Variants in RAPGEF1 observed in about 807,000 individuals in gnomAD.
The protein encoded by RAPGEF1 is CRK SH3-binding GNRP.
Under a neutral mutation model 143.3 loss-of-function variants are expected in RAPGEF1, and 33 were observed. That is an observed-to-expected ratio of 0.23 (90% confidence interval 0.17 to 0.31). RAPGEF1 has a LOEUF of 0.31. RAPGEF1 is among the 10% of genes least tolerant of loss of function. RAPGEF1 has a pLI of 1.00. For synonymous variants in RAPGEF1, 629 were observed against 676.5 expected (o/e 0.93, Z 1.09); for missense variants, 1,199 against 1,645.4 (o/e 0.73, Z 4.69).
intron 4 of RAPGEF1, among the ~76,000 whole-genome samples, chr9:131,639,179 G>A (rs1003759798): frequency 1.3e-5 from 2 of 152,150 alleles, no homozygotes; most frequent in Non-Finnish European, 2.9e-5. Context: ...TATACTGATT[G>A]TTAGCAATTA....
intron 12 of RAPGEF1, among the ~76,000 whole-genome samples, chr9:131,611,474 A>C (rs933493499): frequency 6.6e-6 from 1 of 152,228 alleles, no homozygotes; most frequent in Non-Finnish European, 1.5e-5. Context: ...CTGGAATCAC[A>C]ATATCTCCAC....
At chr9:131,617,377 G>A (rs1387263555) in intron 12 of RAPGEF1, among the ~76,000 whole-genome samples, 1 of 152,240 alleles carries the variant, frequency 6.6e-6, no homozygotes, top group African/African-American at 2.4e-5. Context: ...TCTAAGGCGT[G>A]AGGCCTCAGT....
chr9:131,588,721 G>C (rs1953640949), intron 20 of RAPGEF1, 80 bp downstream of exon 20: 1 of 1,410,042 alleles, frequency 7.1e-7, no homozygotes, highest in African/African-American at 1.4e-5. Flanking sequence ...TGGGGCTGTG[G>C]GGCTGGCAGG....
chr9:131,619,384 T>G (rs1960054887), intron 11 of RAPGEF1, among the ~76,000 whole-genome samples, 178 bp from the exon 12 acceptor site: 1 of 152,210 alleles, frequency 6.6e-6, no homozygotes, highest in South Asian at 2.1e-4. Flanking sequence ...GAAGGCCATC[T>G]GCATGAAAGG....
At chr9:131,609,750 C>G (rs894849640) in intron 12 of RAPGEF1, among the ~76,000 whole-genome samples, 1 of 152,182 alleles carries the variant, frequency 6.6e-6, no homozygotes, top group Non-Finnish European at 1.5e-5. Context: ...TGAAGCTGGC[C>G]AGGCACCAGT....
At chr9:131,710,738 A>G (rs1454807121) in intron 1 of RAPGEF1, among the ~76,000 whole-genome samples, 2 of 152,058 alleles carry the variant, frequency 1.3e-5, no homozygotes, top group Non-Finnish European at 2.9e-5. Context: ...ACAATACAAA[A>G]ATTAGCCGGG....
intron 1 of RAPGEF1, among the ~76,000 whole-genome samples, chr9:131,732,832 C>T (rs1441168833): frequency 6.6e-6 from 1 of 152,234 alleles, no homozygotes; most frequent in East Asian, 1.9e-4. Flanking sequence ...GCGTTCAAGG[C>T]ACCGTAATGG....
intron 1 of RAPGEF1, among the ~76,000 whole-genome samples, chr9:131,699,298 G>A (rs2131099109): frequency 6.7e-6 from 1 of 149,166 alleles, no homozygotes; most frequent in South Asian, 2.1e-4. Context: ...AGGCTGGAGT[G>A]CAATGGCGTG....
At position 131,577,090 on chromosome 9, in the gene RAPGEF1, C is replaced by T. The variant is rs532850424; in HGVS notation, c.*2407G>A. ...ATTCCCACAACCCGCCCGGGCCCCC[C>T]AAAGGAACAGACGAGCCACGGCCAG... is the stretch of plus-strand genomic sequence containing the variant. On this transcript the variant is annotated 3_prime_UTR_variant, in exon 27 of 27. Coordinates refer to ENST00000683357, the MANE Select transcript of RAPGEF1 (RefSeq NM_001377935.1). 1 of 152,518 alleles carries T rather than the reference C, an allele frequency of 6.6e-6. No homozygotes were observed. The highest frequency in any genetic ancestry group is 6.5e-5 in the Admixed American group (1 of 15,314). 9.4% of individuals were successfully genotyped at this position (152,518 alleles called of 1,614,324 possible). A position where few individuals can be genotyped will look rare whatever the true frequency, so the allele number is the denominator to read the frequency against.
chr9:131,632,064 G>A (rs1965029999), intron 5 of RAPGEF1, among the ~76,000 whole-genome samples: 1 of 152,166 alleles, frequency 6.6e-6, no homozygotes, highest in South Asian at 2.1e-4. Flanking sequence ...TGAGCCCAGG[G>A]GTTCGAGGAG....
In RAPGEF1 at chr9:131,584,483, T is replaced by C. The variant is rs1254138776; in HGVS notation, c.3312+35A>G. The C allele has an allele frequency of 4.3e-6, 7 of 1,613,230 alleles. No individual in the cohort carries two copies. In the African/African-American group the frequency reaches 5.3e-5, roughly 12 times the overall value. Reference sequence around the variant, plus strand: ...CCCGGGCTCCCAGAGCAGGGACTGATGATGGGGGCCTGGGAAGGACTTGGC... The same window carrying C: ...CCCGGGCTCCCAGAGCAGGGACTGACGATGGGGGCCTGGGAAGGACTTGGC... On this transcript the variant is annotated intron_variant, in intron 23 of 26. Coordinates refer to ENST00000683357, the MANE Select transcript of RAPGEF1 (RefSeq NM_001377935.1). The surrounding 1 kb of genome is among the most constrained non-coding windows in gnomAD (Gnocchi z 6.8).
At chr9:131,589,830 G>C in intron 19 of RAPGEF1, 56 bp downstream of exon 19, 1 of 1,497,696 alleles carries the variant, frequency 6.7e-7, no homozygotes, top group Non-Finnish European at 9.3e-7. Context: ...GAAGCAGGTG[G>C]AATGGAGCCT....
At position 131,630,311 on chromosome 9, in the gene RAPGEF1, A is replaced by G. The variant is rs372245486; in HGVS notation, c.665T>C (p.Leu222Pro). The G allele has an allele frequency of 1.2e-6, 2 of 1,613,752 alleles. No individual in the cohort carries two copies. Among genetic ancestry groups the G allele is most frequent in the Non-Finnish European group, 1.7e-6 (2 of 1,179,806 alleles). Residue 222 changes from leucine to proline, a missense_variant, in exon 6 of 27, where the codon CTC (leucine) becomes CCC (proline). This residue lies in a region of RAPGEF1 where 613 missense variants were observed against 710.9 expected (regional missense o/e 0.86). Transcript: ENST00000683357. ...CGGACGTCCCTGCTTCTCGATGGTGAGCCTGACCAGCTCCTACCCCCACAA... is the reference window on the plus strand; with the variant it reads ...CGGACGTCCCTGCTTCTCGATGGTGGGCCTGACCAGCTCCTACCCCCACAA... The part of the protein sequence containing the change: ...VLDGVKELVR[L>P]TIEKQGRPSP...
At chr9:131,721,128 G>C (rs1836234194) in intron 1 of RAPGEF1, among the ~76,000 whole-genome samples, 2 of 152,176 alleles carry the variant, frequency 1.3e-5, no homozygotes, top group Non-Finnish European at 2.9e-5. Flanking sequence ...ACCTGCATTA[G>C]AACAGGCTGT....
intron 3 of RAPGEF1, among the ~76,000 whole-genome samples, chr9:131,644,073 A>G (rs190441789): frequency 2.0e-5 from 3 of 152,310 alleles, no homozygotes; most frequent in Non-Finnish European, 4.4e-5. Flanking sequence ...TCAAGATTCA[A>G]TCACGACTCA....
intron 3 of RAPGEF1, among the ~76,000 whole-genome samples, chr9:131,646,321 T>G (rs1310781342): frequency 9.2e-5 from 14 of 152,076 alleles, no homozygotes; most frequent in Admixed American, 9.2e-4. Context: ...CCTGGAGAGA[T>G]AGAGAGGAGA....
chr9:131,658,029 T>G (rs1406431154), intron 1 of RAPGEF1, among the ~76,000 whole-genome samples: 4 of 152,204 alleles, frequency 2.6e-5, no homozygotes, highest in African/African-American at 4.8e-5. Flanking sequence ...AATCCCAGCT[T>G]TATTTATCTG....
intron 1 of RAPGEF1, among the ~76,000 whole-genome samples, chr9:131,657,340 A>G (rs1972758351): frequency 1.3e-5 from 2 of 151,930 alleles, no homozygotes; most frequent in African/African-American, 4.9e-5. Flanking sequence ...GTGTTCCCAC[A>G]TGACTGCTGC....
intron 1 of RAPGEF1, among the ~76,000 whole-genome samples, chr9:131,661,075 ACT>A (rs925458881): frequency 2.6e-5 from 4 of 151,372 alleles, no homozygotes; most frequent in East Asian, 3.9e-4. Context: ...GAGAAGGGGG[ACT>A]CTCTACCCTG....
Sources: gnomAD v4.1 joint callset for allele counts (sites outside exome capture counted in the v4.1 genomes callset) on GRCh38, gnomAD v4.1.1 for gene constraint, gnomAD v4.1.1 regional missense constraint, Gnocchi (gnomAD v3.1) non-coding constraint, MANE v1.5 for transcripts, NCBI Gene and HGNC (gene_info 2026-07-23, HGNC 2026-07-21) for gene names.